The following PIBF1 variants were observed in gnomAD, a reference collection of about 807,000 sequenced individuals.
PIBF1 encodes progesterone-induced-blocking factor 1.
A neutral mutation model predicts 112.5 loss-of-function variants in PIBF1; 90 were observed. The ratio of observed to expected loss-of-function variants is 0.80; its 90% confidence interval spans 0.67 to 0.95. PIBF1 has a LOEUF of 0.95. Ranked by LOEUF, PIBF1 falls within the 40% of genes least tolerant of loss-of-function variation. The probability of loss-of-function intolerance (pLI) is 0.00; values close to 1 mark genes in which losing one functional copy is unlikely to be tolerated. For synonymous variants in PIBF1, 301 were observed against 288.6 expected (o/e 1.04, Z -0.44); for missense variants, 915 against 852.3 (o/e 1.07, Z -0.92).
chr13:72,853,984 A>G (rs1463077464), intron 9 of PIBF1, 73 bp from the exon 10 acceptor site: 3 of 1,122,020 alleles, frequency 2.7e-6, no homozygotes, highest in Non-Finnish European at 4.0e-6. Flanking sequence ...AGATTGTCAG[A>G]TAGTCCATCT....
intron 14 of PIBF1, among the ~76,000 whole-genome samples, chr13:72,951,737 CATTAT>C (rs984180812): frequency 2.0e-5 from 3 of 152,098 alleles, no homozygotes; most frequent in African/African-American, 7.2e-5. Flanking sequence ...ATGTGTCTGT[CATTAT>C]ATTATCACAC....
chr13:72,834,109 T>C (rs553742291), intron 8 of PIBF1, among the ~76,000 whole-genome samples: 51 of 152,318 alleles, frequency 3.3e-4, no homozygotes, highest in African/African-American at 9.9e-4. Flanking sequence ...AGTATCTCTA[T>C]AGAAGTATAT....
intron 17 of PIBF1, among the ~76,000 whole-genome samples, chr13:73,009,115 TC>T (rs1268971419): frequency 6.6e-6 from 1 of 152,164 alleles, no homozygotes; most frequent in Non-Finnish European, 1.5e-5. Flanking sequence ...TGCTCTGGCC[TC>T]AGCCATCATG....
intron 13 of PIBF1, among the ~76,000 whole-genome samples, chr13:72,921,252 G>A (rs2041280019): frequency 6.6e-6 from 1 of 151,976 alleles, no homozygotes; most frequent in Non-Finnish European, 1.5e-5. Context: ...ACAGGTGCAT[G>A]CCACCACGCC....
At chr13:72,847,023 G>C (rs779971593) in intron 9 of PIBF1, among the ~76,000 whole-genome samples, 1 of 152,206 alleles carries the variant, frequency 6.6e-6, no homozygotes, top group Non-Finnish European at 1.5e-5. Context: ...TCAGGACTGA[G>C]TGTCGTTTGA....
At chr13:72,831,143 T>C (rs1436405145) in intron 8 of PIBF1, among the ~76,000 whole-genome samples, 1 of 152,154 alleles carries the variant, frequency 6.6e-6, no homozygotes, top group East Asian at 1.9e-4. Flanking sequence ...TGTGTCTGTT[T>C]GGTTCTTCCT....
intron 16 of PIBF1, among the ~76,000 whole-genome samples, chr13:72,992,407 T>C (rs2043509769): frequency 1.3e-5 from 2 of 152,222 alleles, no homozygotes; most frequent in Admixed American, 1.3e-4. Flanking sequence ...AGCTCTAGAT[T>C]AGAATACTCT....
intron 11 of PIBF1, among the ~76,000 whole-genome samples, chr13:72,894,772 A>ATATAGTGTGTGTGTGT (rs1491462402): frequency 2.2e-5 from 3 of 137,218 alleles, no homozygotes; most frequent in African/African-American, 8.5e-5. Flanking sequence ...ATATATATAT[A>ATATAGTGTGTGTGTGT]GTGTGTGTGT....
At chr13:72,810,949 C>A (rs746213631) in intron 5 of PIBF1, among the ~76,000 whole-genome samples, 141 of 152,004 alleles carry the variant, frequency 9.3e-4, no homozygotes, top group Non-Finnish European at 1.7e-3. Flanking sequence ...CTCCGCCCCC[C>A]AGGTTCACAC....
intron 10 of PIBF1, among the ~76,000 whole-genome samples, chr13:72,878,668 A>G (rs768991483): frequency 1.3e-5 from 2 of 152,134 alleles, no homozygotes; most frequent in Non-Finnish European, 2.9e-5. Flanking sequence ...GAATTCTACT[A>G]TGTCTTTAAT....
chr13:72,820,354 A>G (rs149930009), intron 5 of PIBF1, among the ~76,000 whole-genome samples: 11 of 152,296 alleles, frequency 7.2e-5, no homozygotes, highest in African/African-American at 2.6e-4. Flanking sequence ...CAGAAGAACT[A>G]AAGATTCTTG....
chr13:72,880,906 G>T lies in PIBF1; in HGVS notation c.1323-12878G>T, dbSNP rs191795159. 5.5e-3 allele frequency among the ~76,000 whole-genome samples: 833 copies of T among 152,254 alleles called. 3 individuals are homozygous for T. The highest frequency in any genetic ancestry group is 9.8e-3 in the Non-Finnish European group (665 of 67,988). On this transcript the variant is annotated intron_variant, in intron 10 of 17. Transcript: ENST00000326291. ...TCAGCTTTGCTACTTACTTGGGCAA[G>T]TTGTTAACTTCTCTGAGTCTCAGAA...
At chr13:72,932,018 T>C (rs1297587565) in intron 14 of PIBF1, among the ~76,000 whole-genome samples, 2 of 149,896 alleles carry the variant, frequency 1.3e-5, no homozygotes, top group African/African-American at 4.9e-5. Context: ...CACAGTTCAT[T>C]GCAACCTCTG....
intron 13 of PIBF1, among the ~76,000 whole-genome samples, chr13:72,923,356 G>A (rs1426526239): frequency 1.3e-5 from 2 of 152,096 alleles, no homozygotes; most frequent in Non-Finnish European, 2.9e-5. Flanking sequence ...AGTGCTAAGA[G>A]AGCTAAAAGA....
At chr13:72,938,813 A>G (rs527560806) in intron 14 of PIBF1, among the ~76,000 whole-genome samples, 3 of 152,294 alleles carry the variant, frequency 2.0e-5, no homozygotes, top group African/African-American at 7.2e-5. Flanking sequence ...CAATTTTTCC[A>G]CATCCTCACC....
intron 17 of PIBF1, among the ~76,000 whole-genome samples, chr13:73,008,375 A>G (rs1456483626): frequency 1.3e-5 from 2 of 152,176 alleles, no homozygotes; most frequent in African/African-American, 2.4e-5. Context: ...AGTTAAAAGC[A>G]TATTATTGCA....
chr13:72,951,511 G>C (rs1328688223), intron 14 of PIBF1, among the ~76,000 whole-genome samples: 1 of 152,054 alleles, frequency 6.6e-6, no homozygotes, highest in Non-Finnish European at 1.5e-5. Flanking sequence ...TAATATCTAA[G>C]GGGTGGAAAA....
At chr13:72,879,107 G>A (rs2039520501) in intron 10 of PIBF1, among the ~76,000 whole-genome samples, 2 of 152,014 alleles carry the variant, frequency 1.3e-5, no homozygotes, top group South Asian at 4.1e-4. Flanking sequence ...ATACACTGTA[G>A]GTAGATTTGC....
In PIBF1 at chr13:72,942,953, A is replaced by G. The variant is rs571793808; in HGVS notation, c.1833+11686A>G. On this transcript the variant is annotated intron_variant, in intron 14 of 17. Coordinates refer to ENST00000326291, the MANE Select transcript of PIBF1 (RefSeq NM_006346.4). The stretch of plus-strand genomic sequence containing the variant: ...GAGGCAGAGGTTGCAGTGAGCCAAG[A>G]TTGTGTCACTGCACTCCAGCCCAGG... 3.3e-5 allele frequency among the ~76,000 whole-genome samples: 5 copies of G among 152,266 alleles called. No individual in the cohort carries two copies. The South Asian group carries it at 1.0e-3, about 32-fold the overall frequency.
Sources: gnomAD v4.1 joint callset for allele counts (sites outside exome capture counted in the v4.1 genomes callset) on GRCh38, gnomAD v4.1.1 for gene constraint, MANE v1.5 for transcripts, NCBI Gene and HGNC (gene_info 2026-07-23, HGNC 2026-07-21) for gene names.